SSBP3: variants seen among roughly 807,000 people sequenced by gnomAD.
SSBP3 encodes single stranded DNA binding protein 3, also known as single-stranded DNA-binding protein 3.
In SSBP3, 5 loss-of-function variants were observed where a neutral mutation model predicts 69.6. That is an observed-to-expected ratio of 0.07 (90% confidence interval 0.04 to 0.15). The LOEUF (loss-of-function observed/expected upper bound fraction) is 0.15. SSBP3 is among the 10% of genes least tolerant of loss of function. SSBP3 has a pLI of 1.00. For synonymous variants in SSBP3, 196 were observed against 193.4 expected, an observed-to-expected ratio of 1.01 and a Z score of -0.11; for missense variants, 312 against 534.0, an observed-to-expected ratio of 0.58 and a Z score of 4.10.
chr1:54,360,367 C>G (rs375535137), intron 4 of SSBP3, among the ~76,000 whole-genome samples: 4 of 152,224 alleles, frequency 2.6e-5, no homozygotes, highest in Non-Finnish European at 5.9e-5. Flanking sequence ...AATACTGGCA[C>G]ACGATAGGCA....
At chr1:54,234,466 T>TG (rs1644451575) in intron 14 of SSBP3, among the ~76,000 whole-genome samples, 2 of 152,148 alleles carry the variant, frequency 1.3e-5, no homozygotes, top group African/African-American at 4.8e-5. Flanking sequence ...CACGTGCCTG[T>TG]AGTCCCAGCT....
chr1:54,281,491 T>G (rs1454869282), exon 5 of SSBP3: 4 of 1,571,118 alleles, frequency 2.5e-6, no homozygotes, highest in Non-Finnish European at 3.5e-6. Flanking sequence ...TTGGGGGGAA[T>G]GTTGCCAAGC....
rs11206333 is a variant in SSBP3, at chr1:54,327,315, G to A, written c.277-45788C>T. ...AACAAAAAACCCCCCAAAAAAACAG[G>A]TAAGGGCCAAGGCAGAGTTCTCCAT... On this transcript the variant is annotated intron_variant, in intron 4 of 17. Coordinates refer to ENST00000610401, the Ensembl canonical transcript of SSBP3. Among the ~76,000 whole-genome samples the A allele has an allele frequency of 7.2e-5, 11 of 152,018 alleles. No individual in the cohort carries two copies. The East Asian group carries it at 2.1e-3, about 29-fold the overall frequency.
intron 4 of SSBP3, among the ~76,000 whole-genome samples, chr1:54,348,022 C>T (rs1557552504): frequency 6.6e-6 from 1 of 152,178 alleles, no homozygotes; most frequent in Non-Finnish European, 1.5e-5. Flanking sequence ...CCTTTCCTCA[C>T]TGTGTGCACT....
At chr1:54,373,021 G>C (rs966638112) in intron 4 of SSBP3, among the ~76,000 whole-genome samples, 1 of 152,202 alleles carries the variant, frequency 6.6e-6, no homozygotes, top group Non-Finnish European at 1.5e-5. Flanking sequence ...CCATGGCTGG[G>C]AATGATGAAG....
At chr1:54,313,834 T>C (rs1646049776) in intron 4 of SSBP3, among the ~76,000 whole-genome samples, 1 of 152,030 alleles carries the variant, frequency 6.6e-6, no homozygotes, top group African/African-American at 2.4e-5. Flanking sequence ...TGGTGGGATC[T>C]CAGCTCACTG....
At position 54,284,645 on chromosome 1, in the gene SSBP3, T is replaced by C. The variant is rs1043507236; in HGVS notation, c.277-3118A>G. ...ACCATACCCAGCTAATTTTTAAAAT[T>C]TTTTGTAGAGATTAGGTCTCACTAT... On this transcript the variant is annotated intron_variant, in intron 4 of 17. Coordinates refer to ENST00000610401, the Ensembl canonical transcript of SSBP3. Among the ~76,000 whole-genome samples, 9 of 151,798 alleles carry C rather than the reference T, an allele frequency of 5.9e-5. 1 individual carries two copies. In the East Asian group the frequency reaches 1.7e-3, roughly 29 times the overall value.
intron 4 of SSBP3, among the ~76,000 whole-genome samples, chr1:54,372,034 C>A (rs1011395361): frequency 6.6e-6 from 1 of 152,192 alleles, no homozygotes; most frequent in African/African-American, 2.4e-5. Flanking sequence ...TCCCAAACCA[C>A]TAGTTAATGA....
intron 4 of SSBP3, among the ~76,000 whole-genome samples, chr1:54,356,081 C>T (rs1646858304): frequency 6.6e-6 from 1 of 152,200 alleles, no homozygotes; most frequent in African/African-American, 2.4e-5. Flanking sequence ...TCTCCAGTCT[C>T]TCAGGTCACC....
At chr1:54,228,005 G>A (rs994477333) in intron 17 of SSBP3, among the ~76,000 whole-genome samples, 12 of 152,324 alleles carry the variant, frequency 7.9e-5, no homozygotes, top group African/African-American at 2.4e-4. Flanking sequence ...TCTCCCGGCC[G>A]TATCAGCTTA....
chr1:54,396,193 G>GAAAAAAAAAAAAAAAAAAAAAA (rs59276509), intron 4 of SSBP3, among the ~76,000 whole-genome samples: 7 of 40,576 alleles, frequency 1.7e-4, no homozygotes, highest in African/African-American at 4.8e-4. Flanking sequence ...CTCCATCTCA[G>GAAAAAAAAAAAAAAAAAAAAAA]AAAAAAAAAA....
intron 14 of SSBP3, chr1:54,236,629 GAGA>G (rs1296852323): frequency 1.3e-5 from 2 of 152,146 alleles, no homozygotes; most frequent in Non-Finnish European, 2.9e-5. Flanking sequence ...TTCCAAATTA[GAGA>G]AGGACATCCT....
chr1:54,246,883 C>T (rs978127112), intron 9 of SSBP3, among the ~76,000 whole-genome samples: 22 of 152,260 alleles, frequency 1.4e-4, no homozygotes, highest in Non-Finnish European at 1.6e-4. Context: ...TCAGTAGAAA[C>T]GGGTTCCCTC....
intron 9 of SSBP3, among the ~76,000 whole-genome samples, chr1:54,245,961 C>T (rs1263064593): frequency 6.6e-6 from 1 of 152,170 alleles, no homozygotes; most frequent in Non-Finnish European, 1.5e-5. Context: ...CTTTAGAGAC[C>T]AGAAAACTGA....
intron 4 of SSBP3, among the ~76,000 whole-genome samples, chr1:54,369,229 C>T (rs1162188813): frequency 1.6e-5 from 2 of 128,006 alleles, no homozygotes; most frequent in African/African-American, 7.3e-5. Context: ...GGGGGGGGGG[C>T]CCAAGCCAGG....
chr1:54,236,677 T>C (rs1417304604), intron 14 of SSBP3: 3 of 152,248 alleles, frequency 2.0e-5, no homozygotes, highest in African/African-American at 7.2e-5. Flanking sequence ...GCAGTTTTCA[T>C]GGCAAGCCAA....
intron 13 of SSBP3, 134 bp downstream of exon 13, chr1:54,240,771 C>T: frequency 1.7e-6 from 2 of 1,149,874 alleles, no homozygotes; most frequent in Non-Finnish European, 2.6e-6. Context: ...TCTAAATGCC[C>T]AGTGGAAGAT....
intron 4 of SSBP3, among the ~76,000 whole-genome samples, chr1:54,367,590 A>G (rs2100660022): frequency 6.6e-6 from 1 of 152,364 alleles, no homozygotes; most frequent in East Asian, 1.9e-4. Context: ...GTGCCAGACT[A>G]GCCAGATAAG....
chr1:54,401,789 G>A (rs772267644), intron 4 of SSBP3, 72 bp downstream of exon 4: 784 of 1,349,704 alleles, frequency 5.8e-4, no homozygotes, highest in Non-Finnish European at 7.4e-4. Flanking sequence ...GGCTGTGTTT[G>A]CTTTTCGTAC....
Sources: gnomAD v4.1 joint callset for allele counts (sites outside exome capture counted in the v4.1 genomes callset) on GRCh38, gnomAD v4.1.1 for gene constraint, MANE v1.5 for transcripts, NCBI Gene and HGNC (gene_info 2026-07-23, HGNC 2026-07-21) for gene names.